Variants in AXIN2 observed in about 807,000 individuals in gnomAD.
AXIN2 encodes the protein axin 2.
Under a neutral mutation model 74.7 loss-of-function variants are expected in AXIN2, and 21 were observed. The observed-to-expected ratio is 0.28, with a 90% CI of 0.20 to 0.40. AXIN2 has a LOEUF of 0.40. AXIN2 is among the 10% of genes least tolerant of loss of function. The pLI, the probability that AXIN2 is intolerant of heterozygous loss-of-function variation, is 1.00. For synonymous variants in AXIN2, 532 were observed against 454.9 expected (o/e 1.17, Z -2.16); for missense variants, 1,144 against 1,111.1 (o/e 1.03, Z -0.42).
In AXIN2 at chr17:65,557,820, A is replaced by G; in HGVS notation, c.801T>C (p.Val267=). ...CAAAGTCTTACCTGTATCCACTGTC[A>G]ACAGTTTCCGTGGACCTCACACTCG... is the stretch of plus-strand genomic sequence containing the variant. ...ATASVRSTET[V]DSGYRSFKRS... Residue 267 remains valine (V), a synonymous_variant, in exon 2 of 11, where the codon GTT becomes GTC. Coordinates refer to ENST00000307078, the MANE Select transcript of AXIN2 (RefSeq NM_004655.4). 1.2e-6 allele frequency: 2 copies of G among 1,614,186 alleles called. No homozygotes were observed. Among genetic ancestry groups the G allele is most frequent in the Non-Finnish European group, 8.5e-7 (1 of 1,180,040 alleles).
intron 3 of AXIN2, 148 bp from the exon 4 acceptor site, chr17:65,541,705 G>A (rs2044046346): frequency 2.0e-5 from 15 of 742,698 alleles, no homozygotes; most frequent in Non-Finnish European, 2.6e-5. Flanking sequence ...TACCATCGGT[G>A]CTCCCACAGG....
At chr17:65,560,749 G>T (rs1417341111) in intron 1 of AXIN2, 1 of 151,580 alleles carries the variant, frequency 6.6e-6, no homozygotes, top group African/African-American at 2.4e-5. Context: ...CGAAATAGCC[G>T]GCCTGCCAAC....
intron 3 of AXIN2, among the ~76,000 whole-genome samples, chr17:65,548,562 A>G (rs1459085820): frequency 1.3e-5 from 2 of 152,222 alleles, no homozygotes; most frequent in Admixed American, 1.3e-4. Context: ...TTTCTGGAAC[A>G]ATGAATCTCA....
intron 3 of AXIN2, among the ~76,000 whole-genome samples, chr17:65,544,382 C>CCCACCA (rs913851195): frequency 2.0e-5 from 3 of 147,142 alleles, no homozygotes; most frequent in Non-Finnish European, 4.5e-5. Flanking sequence ...CCCCCCATCC[C>CCCACCA]CCACCACCAC....
chr17:65,533,246 G>A (rs1267545762), intron 10 of AXIN2, among the ~76,000 whole-genome samples: 1 of 152,168 alleles, frequency 6.6e-6, no homozygotes, highest in Non-Finnish European at 1.5e-5. Context: ...AGAAGGCAGC[G>A]GGGCCCAGGC....
intron 3 of AXIN2, among the ~76,000 whole-genome samples, chr17:65,542,541 G>A (rs979822024): frequency 6.6e-6 from 1 of 152,134 alleles, no homozygotes; most frequent in Middle Eastern, 3.2e-3. Flanking sequence ...AGGGACCTTT[G>A]GGCAAAGACC....
rs952193288 is a variant in AXIN2, at chr17:65,537,269, G to A, written c.1712+55C>T. 5.6e-6 allele frequency: 9 copies of A among 1,610,542 alleles called. No homozygotes were observed. In the African/African-American group the frequency reaches 1.1e-4, roughly 19 times the overall value. On this transcript the variant is annotated intron_variant, in intron 6 of 10. Transcript: ENST00000307078. ...GGCTCCCACCTCACACCTGCCCATG[G>A]ACCTGGCTGGGAGACAAGCCCCACA...
intron 10 of AXIN2, among the ~76,000 whole-genome samples, chr17:65,531,570 C>T (rs1567750681): frequency 6.6e-6 from 1 of 152,038 alleles, no homozygotes; most frequent in Admixed American, 6.6e-5. Context: ...GCCCCAGCTC[C>T]GACCCCTCCA....
chr17:65,532,997 G>A (rs949853652), intron 10 of AXIN2, among the ~76,000 whole-genome samples: 3 of 152,364 alleles, frequency 2.0e-5, no homozygotes, highest in Admixed American at 6.5e-5. Flanking sequence ...TTGGGCTGCA[G>A]GCCATGGAGA....
intron 3 of AXIN2, among the ~76,000 whole-genome samples, chr17:65,549,206 CAGA>C (rs763380149): frequency 6.6e-6 from 1 of 152,186 alleles, no homozygotes; most frequent in African/African-American, 2.4e-5. Context: ...TGATGACAAC[CAGA>C]AGAAGGTTTT....
intron 2 of AXIN2, among the ~76,000 whole-genome samples, chr17:65,554,365 A>C (rs1178038743): frequency 6.6e-6 from 1 of 152,236 alleles, no homozygotes; most frequent in African/African-American, 2.4e-5. Context: ...TTTACTCACA[A>C]GGTCACTGCC....
intron 10 of AXIN2, 97 bp downstream of exon 10, chr17:65,533,815 C>T (rs2043862619): frequency 3.4e-6 from 4 of 1,165,692 alleles, no homozygotes; most frequent in Middle Eastern, 5.8e-4. Context: ...CCACCCTGCC[C>T]CACCTAGGTC....
intron 9 of AXIN2, among the ~76,000 whole-genome samples, chr17:65,534,647 G>A (rs1020662415): frequency 2.0e-5 from 3 of 152,218 alleles, no homozygotes; most frequent in Non-Finnish European, 2.9e-5. Flanking sequence ...AAGGCTGCTA[G>A]GCCGGGCGTG....
At position 65,528,739 on chromosome 17, in the gene AXIN2, A is replaced by G; in HGVS notation, c.*1237T>C. The G allele has an allele frequency of 2.0e-6, 1 of 502,912 alleles. No individual in the cohort carries two copies. Among genetic ancestry groups the G allele is most frequent in the Non-Finnish European group, 3.7e-6 (1 of 268,596 alleles). 31.2% of individuals were successfully genotyped at this position (502,912 alleles called of 1,614,324 possible). On this transcript the variant is annotated 3_prime_UTR_variant, in exon 11 of 11. Transcript: ENST00000307078. Reference sequence around the variant, plus strand: ...CTTGTAATAAAAAGGCATAAAATATATTTATACATAAACCCCTTTCAAAAA... The same window carrying G: ...CTTGTAATAAAAAGGCATAAAATATGTTTATACATAAACCCCTTTCAAAAA...
chr17:65,554,585 T>C (rs1401590653), intron 2 of AXIN2, among the ~76,000 whole-genome samples: 1 of 152,222 alleles, frequency 6.6e-6, no homozygotes, highest in Non-Finnish European at 1.5e-5. Context: ...ATGGCATCAT[T>C]TTCTTTGATA....
At chr17:65,541,587 G>A in intron 3 of AXIN2, 30 bp from the exon 4 acceptor site, 1 of 1,579,954 alleles carries the variant, frequency 6.3e-7, no homozygotes, top group Non-Finnish European at 8.7e-7. Context: ...AGAATCCACA[G>A]GCTTACGAGG....
intron 3 of AXIN2, among the ~76,000 whole-genome samples, chr17:65,544,486 T>C (rs1266824286): frequency 1.3e-5 from 2 of 151,590 alleles, no homozygotes; most frequent in South Asian, 2.1e-4. Context: ...TGTCAGCCTG[T>C]AGAGGCTCAG....
chr17:65,540,190 T>C (rs192223563), intron 4 of AXIN2, among the ~76,000 whole-genome samples: 10 of 152,338 alleles, frequency 6.6e-5, no homozygotes, highest in African/African-American at 1.9e-4. Flanking sequence ...CTAAAATGAC[T>C]TGGAGTCCTG....
At chr17:65,545,924 G>C (rs778143836) in intron 3 of AXIN2, among the ~76,000 whole-genome samples, 1 of 152,140 alleles carries the variant, frequency 6.6e-6, no homozygotes, top group South Asian at 2.1e-4. Flanking sequence ...CAGGCCTCTT[G>C]CAAAGGCCCC....
Sources: allele counts gnomAD v4.1 joint callset (sites outside exome capture counted in the v4.1 genomes callset), GRCh38; gene constraint gnomAD v4.1.1; transcripts MANE v1.5; gene names NCBI Gene and HGNC (gene_info 2026-07-23, HGNC 2026-07-21).